SCN9A: variants seen among roughly 807,000 people sequenced by gnomAD.
SCN9A encodes the protein sodium voltage-gated channel alpha subunit 9.
SCN9A carries 131 observed loss-of-function variants against 187.0 expected under a neutral mutation model. That is an observed-to-expected ratio of 0.70 (90% CI 0.61 to 0.81). The LOEUF is 0.81. SCN9A is among the 30% of genes least tolerant of loss of function. SCN9A has a pLI of 0.00. For missense variants in SCN9A, 2,252 were observed against 2,396.6 expected, an observed-to-expected ratio of 0.94 and a Z score of 1.26; for synonymous variants, 809 against 808.6, an observed-to-expected ratio of 1.00 and a Z score of -0.01.
chr2:166,204,628 G>A, intron 24 of SCN9A, 164 bp from the exon 25 acceptor site: 1 of 414,470 alleles, frequency 2.4e-6, no homozygotes, highest in Non-Finnish European at 4.2e-6. Flanking sequence ...AATTACATAT[G>A]TGTAGAAACA....
chr2:166,364,699 T>A (rs914870336), intron 1 of SCN9A, among the ~76,000 whole-genome samples: 1 of 152,008 alleles, frequency 6.6e-6, no homozygotes, highest in Non-Finnish European at 1.5e-5. Context: ...GAGTCATTGT[T>A]TAATAGTTAC....
chr2:166,315,391 C>A (rs1465567946), intron 1 of SCN9A, among the ~76,000 whole-genome samples: 1 of 152,146 alleles, frequency 6.6e-6, no homozygotes, highest in Non-Finnish European at 1.5e-5. Context: ...TCCCCCAACC[C>A]CCATGCACAT....
chr2:166,199,112 A>G lies in SCN9A; in HGVS notation c.5527T>C (p.Phe1843Leu), dbSNP rs371379751. The change falls in exon 27 of 27, where the codon TTT becomes CTT. Residue 1843 changes from phenylalanine to leucine, a missense_variant. This residue lies in a region of SCN9A where 345 missense variants were observed against 344.6 expected (regional missense o/e 1.00). Transcript: ENST00000642356. ...GDRIHCLDIL[F>L]AFTKRVLGES... Reference sequence around the variant, plus strand: ...CCCAAAACACGCTTTGTAAAAGCAAATAAGATGTCAAGACAATGGATCCGG... The same window carrying G: ...CCCAAAACACGCTTTGTAAAAGCAAGTAAGATGTCAAGACAATGGATCCGG... 3 of 1,614,088 alleles carry G rather than the reference A, an allele frequency of 1.9e-6. No individual in the cohort carries two copies. Among genetic ancestry groups the G allele is most frequent in the Non-Finnish European group, 2.5e-6 (3 of 1,180,042 alleles).
chr2:166,269,887 G>A (rs1696900191), intron 17 of SCN9A, among the ~76,000 whole-genome samples: 1 of 152,050 alleles, frequency 6.6e-6, no homozygotes, highest in South Asian at 2.1e-4. Context: ...TATTCTGAGA[G>A]CAACTGTCTG....
intron 20 of SCN9A, among the ~76,000 whole-genome samples, chr2:166,234,183 TAAGA>T (rs1301940598): frequency 6.6e-6 from 1 of 152,120 alleles, no homozygotes; most frequent in East Asian, 1.9e-4. Context: ...TAAATTATCT[TAAGA>T]AAGAACATGA....
chr2:166,312,347 T>C (rs1251753728), intron 1 of SCN9A, among the ~76,000 whole-genome samples: 2 of 152,216 alleles, frequency 1.3e-5, no homozygotes, highest in Non-Finnish European at 2.9e-5. Context: ...TACCGCGAGA[T>C]GGCAGCAATT....
chr2:166,323,948 G>A (rs1207566879), intron 1 of SCN9A, among the ~76,000 whole-genome samples: 1 of 150,818 alleles, frequency 6.6e-6, no homozygotes, highest in East Asian at 2.0e-4. Flanking sequence ...TGATTAGAGG[G>A]ACTATGATAT....
chr2:166,254,628 T>G (rs1429945970), intron 17 of SCN9A, among the ~76,000 whole-genome samples: 1 of 151,688 alleles, frequency 6.6e-6, no homozygotes, highest in East Asian at 1.9e-4. Context: ...ATTTCTATAT[T>G]ATCTTCATTT....
intron 17 of SCN9A, 55 bp from the exon 18 acceptor site, chr2:166,251,940 T>A: frequency 6.3e-7 from 1 of 1,589,324 alleles, no homozygotes; most frequent in African/African-American, 1.3e-5. Flanking sequence ...CATTCAAATA[T>A]GATATTTAAG....
intron 12 of SCN9A, among the ~76,000 whole-genome samples, chr2:166,282,739 C>G (rs912919960): frequency 2.0e-5 from 3 of 152,086 alleles, no homozygotes; most frequent in Non-Finnish European, 4.4e-5. Flanking sequence ...TATCAAAACA[C>G]AGACATACAG....
chr2:166,312,881 T>C (rs959800318), intron 1 of SCN9A, among the ~76,000 whole-genome samples: 2 of 151,574 alleles, frequency 1.3e-5, no homozygotes, highest in Admixed American at 6.6e-5. Flanking sequence ...AACCATGCTG[T>C]AAACAGACGT....
chr2:166,217,418 G>C (rs1203077836), intron 24 of SCN9A, among the ~76,000 whole-genome samples: 1 of 152,018 alleles, frequency 6.6e-6, no homozygotes, highest in African/African-American at 2.4e-5. Context: ...AGAGTGGAGA[G>C]AGAGATCATG....
At chr2:166,374,630 C>A (rs1487170608) in intron 1 of SCN9A, among the ~76,000 whole-genome samples, 1 of 151,374 alleles carries the variant, frequency 6.6e-6, no homozygotes, top group Admixed American at 6.6e-5. Flanking sequence ...GATGTTAAAG[C>A]AAAAATTATA....
chr2:166,367,986 T>G (rs912447167), intron 1 of SCN9A, among the ~76,000 whole-genome samples: 16 of 152,250 alleles, frequency 1.1e-4, no homozygotes, highest in Non-Finnish European at 2.4e-4. Flanking sequence ...TTAGCTCCAT[T>G]AAGGGTTAAA....
chr2:166,262,045 A>G (rs1696530384), intron 17 of SCN9A, among the ~76,000 whole-genome samples: 1 of 151,982 alleles, frequency 6.6e-6, no homozygotes, highest in Non-Finnish European at 1.5e-5. Flanking sequence ...GTCACTTGCC[A>G]ATTTCATCAA....
intron 17 of SCN9A, among the ~76,000 whole-genome samples, chr2:166,263,505 A>T (rs771961420): frequency 2.1e-4 from 32 of 151,970 alleles, no homozygotes; most frequent in Non-Finnish European, 3.7e-4. Context: ...GTTCAAATTT[A>T]TGATGCCACC....
At chr2:166,367,618 T>C (rs925290467) in intron 1 of SCN9A, among the ~76,000 whole-genome samples, 1 of 152,170 alleles carries the variant, frequency 6.6e-6, no homozygotes, top group African/African-American at 2.4e-5. Flanking sequence ...TCCTCTTTTT[T>C]CAAATCTTTT....
At position 166,198,491 on chromosome 2, in the gene SCN9A, A is replaced by C; in HGVS notation, c.*181T>G. The C allele has an allele frequency of 1.8e-6, 1 of 561,936 alleles. No homozygotes were observed. The highest frequency in any genetic ancestry group is 3.1e-6 in the Non-Finnish European group (1 of 319,384). 34.8% of individuals were successfully genotyped at this position (561,936 alleles called of 1,614,324 possible). A position where few individuals can be genotyped will look rare whatever the true frequency, so the allele number is the denominator to read the frequency against. ...CTCTTACGATTCTTAAAGAATCATC[A>C]GTGCAAAAATAACCATCTGCTAATG... On this transcript the variant is annotated 3_prime_UTR_variant, in exon 27 of 27. Transcript: ENST00000642356.
chr2:166,303,218 ACACT>A lies in SCN9A; in HGVS notation c.769_772del (p.Ser257CysfsTer4). ...CAGCTGTAGTCCAATTAGTGCAAAC[ACACT>A]CAGACAGAACACAGTCAGGATCATG... On this transcript the variant is annotated frameshift_variant, in exon 7 of 27. Transcript: ENST00000642356. LOFTEE classifies it high-confidence loss of function. 6.2e-7 allele frequency: 1 copy of A among 1,613,756 alleles called. No individual in the cohort carries two copies. The highest frequency in any genetic ancestry group is 8.5e-7 in the Non-Finnish European group (1 of 1,179,768).
Sources: allele counts gnomAD v4.1 joint callset (sites outside exome capture counted in the v4.1 genomes callset), GRCh38; gene constraint gnomAD v4.1.1; regional missense constraint gnomAD v4.1.1; transcripts MANE v1.5; gene names NCBI Gene and HGNC (gene_info 2026-07-23, HGNC 2026-07-21).